PTPRD: variants seen among roughly 807,000 people sequenced by gnomAD.
The protein encoded by PTPRD is receptor-type tyrosine-protein phosphatase delta.
PTPRD carries 34 observed loss-of-function variants against 214.5 expected under a neutral mutation model. The ratio of observed to expected loss-of-function variants is 0.16; its 90% confidence interval spans 0.12 to 0.21. PTPRD has a LOEUF of 0.21. Among genes scored for constraint, PTPRD ranks in the 10% least tolerant of loss-of-function variants. PTPRD has a pLI of 1.00. For synonymous variants in PTPRD, 1,128 were observed against 845.7 expected (o/e 1.33, Z -5.79); for missense variants, 2,545 against 2,398.7 (o/e 1.06, Z -1.27).
chr9:8,942,705 G>A (rs1290519961), intron 11 of PTPRD, among the ~76,000 whole-genome samples: 19 of 152,024 alleles, frequency 1.2e-4, no homozygotes, highest in Non-Finnish European at 8.8e-5. Context: ...AATGCAATGG[G>A]CTTGGATGAC....
At chr9:9,468,647 T>C (rs1280033723) in intron 8 of PTPRD, among the ~76,000 whole-genome samples, 1 of 152,114 alleles carries the variant, frequency 6.6e-6, no homozygotes, top group Admixed American at 6.5e-5. Flanking sequence ...ATAAACCCAG[T>C]ACTTTTTTTG....
At chr9:10,504,115 C>CAAAAA (rs71332747) in intron 2 of PTPRD, among the ~76,000 whole-genome samples, 1,672 of 26,928 alleles carry the variant, frequency 0.062, 535 homozygotes, top group East Asian at 0.077. Flanking sequence ...GACTCTGTCT[C>CAAAAA]AAAAAAAAAA....
At chr9:10,388,412 A>G (rs1312567301) in intron 2 of PTPRD, among the ~76,000 whole-genome samples, 2 of 151,486 alleles carry the variant, frequency 1.3e-5, no homozygotes, top group Non-Finnish European at 2.9e-5. Flanking sequence ...TGTCAACTCA[A>G]GGAGAGGCTT....
chr9:10,107,899 A>C (rs2098650641), intron 3 of PTPRD, among the ~76,000 whole-genome samples: 1 of 152,156 alleles, frequency 6.6e-6, no homozygotes, highest in Admixed American at 6.5e-5. Flanking sequence ...ACTCACAAAC[A>C]TTATACTTTA....
chr9:8,585,659 G>C (rs144410743), intron 14 of PTPRD, among the ~76,000 whole-genome samples: 1 of 152,294 alleles, frequency 6.6e-6, no homozygotes, highest in East Asian at 1.9e-4. Context: ...TACTTGCTCA[G>C]ATGAAATGTA....
At chr9:8,808,113 G>T (rs563919405) in intron 11 of PTPRD, among the ~76,000 whole-genome samples, 1 of 152,224 alleles carries the variant, frequency 6.6e-6, no homozygotes, top group Non-Finnish European at 1.5e-5. Flanking sequence ...AAACTCAAAA[G>T]TATCATCGTG....
chr9:8,475,373 T>C (rs1023402031), intron 30 of PTPRD, among the ~76,000 whole-genome samples: 20 of 152,194 alleles, frequency 1.3e-4, no homozygotes, highest in African/African-American at 4.8e-4. Flanking sequence ...CACACTAACC[T>C]TATTTCCTTA....
intron 5 of PTPRD, among the ~76,000 whole-genome samples, chr9:9,931,473 C>T (rs1339920440): frequency 6.6e-6 from 1 of 152,156 alleles, no homozygotes; most frequent in Non-Finnish European, 1.5e-5. Context: ...ACAGATGGCA[C>T]CTGGAAAATC....
At chr9:9,807,442 T>C (rs2045807440) in intron 5 of PTPRD, among the ~76,000 whole-genome samples, 1 of 152,128 alleles carries the variant, frequency 6.6e-6, no homozygotes, top group Non-Finnish European at 1.5e-5. Flanking sequence ...CGATGTTGGC[T>C]AGGAAGCTTG....
At chr9:9,276,827 G>A (rs537815638) in intron 9 of PTPRD, among the ~76,000 whole-genome samples, 1 of 151,244 alleles carries the variant, frequency 6.6e-6, no homozygotes, top group African/African-American at 2.4e-5. Context: ...AACTATGTGG[G>A]GAAAGTCAAT....
At chr9:9,944,306 T>A (rs532565971) in intron 4 of PTPRD, among the ~76,000 whole-genome samples, 30 of 152,268 alleles carry the variant, frequency 2.0e-4, no homozygotes, top group Admixed American at 3.9e-4. Flanking sequence ...TAGTAAGGTA[T>A]CCAGTGTGCA....
intron 4 of PTPRD, among the ~76,000 whole-genome samples, chr9:9,969,284 C>A (rs1207742915): frequency 6.6e-6 from 1 of 152,132 alleles, no homozygotes; most frequent in Non-Finnish European, 1.5e-5. Flanking sequence ...GGAGATGAAG[C>A]TGAACACTAG....
At chr9:9,714,372 T>C (rs914703757) in intron 7 of PTPRD, among the ~76,000 whole-genome samples, 2 of 152,210 alleles carry the variant, frequency 1.3e-5, no homozygotes, top group African/African-American at 4.8e-5. Context: ...TTGGCTTCTG[T>C]CCATAGCCAT....
chr9:9,746,820 T>TG (rs2098463161), intron 6 of PTPRD, among the ~76,000 whole-genome samples: 1 of 151,888 alleles, frequency 6.6e-6, no homozygotes, highest in South Asian at 2.1e-4. Flanking sequence ...GAAAAGTTTT[T>TG]TTTTTTTTTT....
At chr9:8,496,235 T>A (rs2097268273) in intron 26 of PTPRD, among the ~76,000 whole-genome samples, 4 of 149,062 alleles carry the variant, frequency 2.7e-5, no homozygotes. Context: ...CACACACTTT[T>A]TCACTTATTC....
intron 9 of PTPRD, among the ~76,000 whole-genome samples, chr9:9,210,640 G>C (rs2099947920): frequency 6.6e-6 from 1 of 151,874 alleles, no homozygotes; most frequent in African/African-American, 2.4e-5. Flanking sequence ...TAATGGACTT[G>C]GATTATTACT....
At chr9:9,926,341 G>A (rs972018859) in intron 5 of PTPRD, among the ~76,000 whole-genome samples, 2 of 152,078 alleles carry the variant, frequency 1.3e-5, no homozygotes, top group Admixed American at 6.6e-5. Context: ...TATTAAGACA[G>A]AAAGGGATCA....
At chr9:10,178,631 C>A (rs1326318830) in intron 3 of PTPRD, among the ~76,000 whole-genome samples, 1 of 151,916 alleles carries the variant, frequency 6.6e-6, no homozygotes, top group East Asian at 1.9e-4. Context: ...GCCTCCTACA[C>A]AATGAAATTT....
In PTPRD at chr9:8,818,084, G is replaced by A. The variant is rs190357043; in HGVS notation, c.-103-84138C>T. On this transcript the variant is annotated intron_variant, in intron 11 of 45. Coordinates refer to ENST00000381196, the MANE Select transcript of PTPRD (RefSeq NM_002839.4). ...AAATTGTAACTCTTGAATTTCAATT[G>A]AACTACAATTAAGAGCATCTGAAAC... Among the ~76,000 whole-genome samples, 10 of 152,084 alleles carry A rather than the reference G, an allele frequency of 6.6e-5. No homozygotes were observed. The East Asian group carries it at 1.9e-3, about 29-fold the overall frequency.
Sources: gnomAD v4.1 joint callset for allele counts (sites outside exome capture counted in the v4.1 genomes callset) on GRCh38, gnomAD v4.1.1 for gene constraint, MANE v1.5 for transcripts, NCBI Gene and HGNC (gene_info 2026-07-23, HGNC 2026-07-21) for gene names.